Variants in DNAJC15 observed in about 807,000 individuals in gnomAD.
DNAJC15 encodes the protein dnaJ homolog subfamily C member 15.
A neutral mutation model predicts 22.4 loss-of-function variants in DNAJC15; 27 were observed. That is an observed-to-expected ratio of 1.20 (90% confidence interval 0.89 to 1.66). The LOEUF is 1.66. Ranked by LOEUF, DNAJC15 falls within the 40% of genes most tolerant of loss-of-function variation. The pLI, the probability that DNAJC15 is intolerant of heterozygous loss-of-function variation, is 0.00. For missense variants in DNAJC15, 208 were observed against 187.1 expected, an observed-to-expected ratio of 1.11 and a Z score of -0.65; for synonymous variants, 79 against 63.2, an observed-to-expected ratio of 1.25 and a Z score of -1.19.
At chr13:43,040,692 C>T (rs1287787498) in intron 1 of DNAJC15, among the ~76,000 whole-genome samples, 3 of 151,780 alleles carry the variant, frequency 2.0e-5, no homozygotes, top group Non-Finnish European at 2.9e-5. Context: ...AGGATCTCGC[C>T]GGCCTCTGAG....
At chr13:43,096,095 G>A (rs1167524750) in intron 5 of DNAJC15, among the ~76,000 whole-genome samples, 1 of 152,076 alleles carries the variant, frequency 6.6e-6, no homozygotes, top group African/African-American at 2.4e-5. Flanking sequence ...AAATGATCGA[G>A]AGAAGGTGAT....
chr13:43,060,957 G>A (rs1007458184), intron 1 of DNAJC15, among the ~76,000 whole-genome samples: 3 of 152,218 alleles, frequency 2.0e-5, no homozygotes, highest in East Asian at 3.8e-4. Context: ...CAATTTGCCA[G>A]TCCTGGGCAG....
intron 1 of DNAJC15, among the ~76,000 whole-genome samples, chr13:43,040,202 T>C (rs1011340309): frequency 2.6e-5 from 4 of 152,216 alleles, no homozygotes; most frequent in African/African-American, 7.2e-5. Context: ...GAAGTTGCAT[T>C]ACTAGACTTG....
chr13:43,034,371 A>T (rs1176408162), intron 1 of DNAJC15, among the ~76,000 whole-genome samples: 1 of 122,216 alleles, frequency 8.2e-6, no homozygotes, highest in Non-Finnish European at 1.6e-5. Context: ...ACTGGAGTGC[A>T]GTGGCGCGAT....
At chr13:43,026,683 TAAAG>T (rs2040382293) in intron 1 of DNAJC15, among the ~76,000 whole-genome samples, 1 of 151,926 alleles carries the variant, frequency 6.6e-6, no homozygotes, top group African/African-American at 2.4e-5. Flanking sequence ...GTCAATGAGT[TAAAG>T]AAAAACTTTC....
intron 1 of DNAJC15, among the ~76,000 whole-genome samples, chr13:43,045,041 T>TA (rs1566202865): frequency 7.0e-6 from 1 of 142,132 alleles, no homozygotes; most frequent in Non-Finnish European, 1.6e-5. Flanking sequence ...CTAGTCTTTA[T>TA]GTTGACCATA....
rs1198772761 is a variant in DNAJC15, at chr13:43,107,327, T to TG, written c.*81dup. 2 of 1,245,696 alleles carry TG rather than the reference T, an allele frequency of 1.6e-6. No individual in the cohort carries two copies. The highest frequency in any genetic ancestry group is 3.2e-5 in the African/African-American group (2 of 63,092). 77.2% of individuals were successfully genotyped at this position (1,245,696 alleles called of 1,614,324 possible). A position where few individuals can be genotyped will look rare whatever the true frequency, so the allele number is the denominator to read the frequency against. ...AAGCCCTGCAAAATATTCTAAAACA[T>TG]GGTCTTCTTAATTTTCTATATGGAT... On this transcript the variant is annotated 3_prime_UTR_variant, in exon 6 of 6. Transcript: ENST00000379221.
intron 3 of DNAJC15, among the ~76,000 whole-genome samples, chr13:43,073,555 G>T (rs1377572560): frequency 6.6e-6 from 1 of 152,180 alleles, no homozygotes; most frequent in African/African-American, 2.4e-5. Flanking sequence ...TATTGTTCTG[G>T]TTTAATAAGT....
At chr13:43,105,068 A>G (rs1372415551) in intron 5 of DNAJC15, among the ~76,000 whole-genome samples, 4 of 151,520 alleles carry the variant, frequency 2.6e-5, no homozygotes, top group African/African-American at 7.3e-5. Context: ...CAGCAACTAG[A>G]TATTATAACC....
intron 5 of DNAJC15, among the ~76,000 whole-genome samples, chr13:43,099,590 T>C (rs2040757269): frequency 6.6e-6 from 1 of 152,206 alleles, no homozygotes. Flanking sequence ...GCTTTTTTCC[T>C]GAAAGTGTGT....
intron 1 of DNAJC15, among the ~76,000 whole-genome samples, chr13:43,040,217 G>T (rs1336223630): frequency 1.3e-5 from 2 of 152,134 alleles, no homozygotes; most frequent in Non-Finnish European, 2.9e-5. Context: ...GACTTGACAT[G>T]TGCCAGCCAT....
intron 1 of DNAJC15, among the ~76,000 whole-genome samples, chr13:43,038,067 GT>G (rs2040436827): frequency 6.6e-6 from 1 of 151,992 alleles, no homozygotes; most frequent in South Asian, 2.1e-4. Flanking sequence ...TAGTCAGATT[GT>G]TTCCATTTTT....
At chr13:43,053,524 A>G (rs1056909371) in intron 1 of DNAJC15, among the ~76,000 whole-genome samples, 6 of 152,142 alleles carry the variant, frequency 3.9e-5, no homozygotes, top group Admixed American at 6.5e-5. Context: ...TATTGATTCT[A>G]TCCATCCATG....
intron 1 of DNAJC15, among the ~76,000 whole-genome samples, chr13:43,063,525 A>G (rs1208656664): frequency 9.9e-5 from 15 of 152,146 alleles, no homozygotes. Flanking sequence ...TTTCTATACC[A>G]TTCTGTTGTT....
chr13:43,046,075 T>C (rs1383750725), intron 1 of DNAJC15, among the ~76,000 whole-genome samples: 2 of 152,208 alleles, frequency 1.3e-5, no homozygotes, highest in Non-Finnish European at 2.9e-5. Context: ...CTAACCTTTT[T>C]ATTGGGAGTT....
chr13:43,046,664 C>A (rs2040478591), intron 1 of DNAJC15, among the ~76,000 whole-genome samples: 1 of 152,084 alleles, frequency 6.6e-6, no homozygotes, highest in African/African-American at 2.4e-5. Flanking sequence ...AGTGGGCAAC[C>A]CCCTTTGGGT....
At chr13:43,065,793 C>T (rs943437041) in intron 2 of DNAJC15, 56 bp downstream of exon 2, 3 of 1,514,610 alleles carry the variant, frequency 2.0e-6, no homozygotes, top group Admixed American at 3.3e-5. Context: ...CAAATAGCAT[C>T]TACAGTGATT....
intron 5 of DNAJC15, among the ~76,000 whole-genome samples, chr13:43,091,761 T>C (rs776046615): frequency 9.9e-5 from 15 of 151,480 alleles, no homozygotes; most frequent in Non-Finnish European, 1.8e-4. Flanking sequence ...CAAAATACTG[T>C]AATTTTCATT....
chr13:43,038,951 T>A (rs2040441144), intron 1 of DNAJC15, among the ~76,000 whole-genome samples: 1 of 152,216 alleles, frequency 6.6e-6, no homozygotes, highest in African/African-American at 2.4e-5. Context: ...CTAGAAAATT[T>A]AAAAACCTAC....
Sources: gnomAD v4.1 joint callset for allele counts (sites outside exome capture counted in the v4.1 genomes callset) on GRCh38, gnomAD v4.1.1 for gene constraint, MANE v1.5 for transcripts, NCBI Gene and HGNC (gene_info 2026-07-23, HGNC 2026-07-21) for gene names.